LRRC69: variants seen among roughly 807,000 people sequenced by gnomAD.
LRRC69 encodes the protein leucine rich repeat containing 69, also known as leucine-rich repeat-containing protein 69.
Under a neutral mutation model 37.8 loss-of-function variants are expected in LRRC69, and 42 were observed. The observed-to-expected ratio is 1.11, with a 90% CI of 0.87 to 1.44. The LOEUF is 1.44. Among genes scored for constraint, LRRC69 ranks in the 40% most tolerant of loss-of-function variants. The probability of loss-of-function intolerance (pLI) is 0.00; values close to 1 mark genes in which losing one functional copy is unlikely to be tolerated. For synonymous variants in LRRC69, 141 were observed against 143.1 expected, an observed-to-expected ratio of 0.99 and a Z score of 0.11; for missense variants, 357 against 401.9, an observed-to-expected ratio of 0.89 and a Z score of 0.96.
intron 4 of LRRC69, 58 bp downstream of exon 4, chr8:91,133,363 G>A: frequency 7.7e-7 from 1 of 1,291,766 alleles, no homozygotes; most frequent in Non-Finnish European, 1.0e-6. Context: ...AACATGATGG[G>A]AGGTGGTTAT....
At chr8:91,121,945 CA>C in intron 1 of LRRC69, among the ~76,000 whole-genome samples, 1 of 152,182 alleles carries the variant, frequency 6.6e-6, no homozygotes, top group South Asian at 2.1e-4. Flanking sequence ...CCCTGCTTTA[CA>C]GTCAAGATTG....
chr8:91,183,526 CAT>C (rs1304633368), intron 5 of LRRC69, among the ~76,000 whole-genome samples: 1 of 151,826 alleles, frequency 6.6e-6, no homozygotes, highest in African/African-American at 2.4e-5. Flanking sequence ...GTGAGTTTGA[CAT>C]GTGAATATTT....
intron 7 of LRRC69, among the ~76,000 whole-genome samples, chr8:91,216,981 A>G (rs111730380): frequency 1.3e-5 from 2 of 152,066 alleles, no homozygotes; most frequent in East Asian, 3.9e-4. Flanking sequence ...ATTCTAGTCA[A>G]CCTTCAAAAC....
chr8:91,160,953 G>A (rs1401819966), intron 5 of LRRC69, among the ~76,000 whole-genome samples: 1 of 151,066 alleles, frequency 6.6e-6, no homozygotes, highest in Non-Finnish European at 1.5e-5. Context: ...CCTTTACTTT[G>A]TTTAGTCATA....
chr8:91,207,557 C>T (rs951021220), intron 7 of LRRC69, among the ~76,000 whole-genome samples: 1 of 152,054 alleles, frequency 6.6e-6, no homozygotes. Flanking sequence ...TTGTGTTTGG[C>T]GAATCCATAA....
At chr8:91,203,135 C>A (rs1268060946) in intron 7 of LRRC69, among the ~76,000 whole-genome samples, 4 of 151,974 alleles carry the variant, frequency 2.6e-5, no homozygotes, top group African/African-American at 9.7e-5. Flanking sequence ...GGAGCCTGAG[C>A]AACCTGGAAG....
chr8:91,118,199 G>C (rs1368678336), intron 1 of LRRC69: 1 of 455,376 alleles, frequency 2.2e-6, no homozygotes, highest in Non-Finnish European at 4.4e-6. Context: ...TGTTGGTCTA[G>C]GTGACTTGTA....
chr8:91,122,823 C>A (rs1325572288), intron 1 of LRRC69, among the ~76,000 whole-genome samples: 2 of 151,946 alleles, frequency 1.3e-5, no homozygotes, highest in Non-Finnish European at 2.9e-5. Context: ...AAATAATGGA[C>A]CCCCAAAGAT....
intron 5 of LRRC69, among the ~76,000 whole-genome samples, chr8:91,150,721 T>C (rs955997006): frequency 6.6e-6 from 1 of 151,948 alleles, no homozygotes; most frequent in Admixed American, 6.6e-5. Context: ...GTCCTGGATT[T>C]TTTTTGGTTG....
chr8:91,152,537 A>G (rs554905400), intron 5 of LRRC69, among the ~76,000 whole-genome samples: 15 of 151,678 alleles, frequency 9.9e-5, no homozygotes, highest in African/African-American at 3.6e-4. Flanking sequence ...GTAGCCTTGT[A>G]GTATAGTTTG....
chr8:91,149,500 G>A (rs1808688988), intron 5 of LRRC69, among the ~76,000 whole-genome samples: 1 of 151,960 alleles, frequency 6.6e-6, no homozygotes, highest in Non-Finnish European at 1.5e-5. Context: ...TTGTAGTATA[G>A]TTTGAAGTCA....
At chr8:91,194,647 A>G (rs893835239) in intron 6 of LRRC69, among the ~76,000 whole-genome samples, 5 of 152,040 alleles carry the variant, frequency 3.3e-5, no homozygotes, top group Non-Finnish European at 7.4e-5. Flanking sequence ...AGGTGTTTGT[A>G]GTATTCTCTG....
chr8:91,143,159 A>G (rs1377656267), intron 5 of LRRC69, among the ~76,000 whole-genome samples: 1 of 152,070 alleles, frequency 6.6e-6, no homozygotes, highest in African/African-American at 2.4e-5. Flanking sequence ...CTAAAATTGG[A>G]GAGATTTTTT....
intron 7 of LRRC69, among the ~76,000 whole-genome samples, chr8:91,212,113 T>A (rs1809938543): frequency 6.6e-6 from 1 of 152,142 alleles, no homozygotes; most frequent in African/African-American, 2.4e-5. Flanking sequence ...TGATCAATAA[T>A]TTCAATGTAG....
At chr8:91,164,040 T>C (rs1396376140) in intron 5 of LRRC69, among the ~76,000 whole-genome samples, 2 of 151,242 alleles carry the variant, frequency 1.3e-5, no homozygotes, top group Non-Finnish European at 3.0e-5. Flanking sequence ...TTGTCAGGAG[T>C]GAGAGTATGA....
intron 7 of LRRC69, among the ~76,000 whole-genome samples, chr8:91,204,756 A>G (rs868071581): frequency 1.3e-5 from 2 of 152,208 alleles, no homozygotes; most frequent in Non-Finnish European, 2.9e-5. Context: ...TAACTCCTGG[A>G]TGAGATCATC....
In LRRC69 at chr8:91,149,440, C is replaced by T. The variant is rs181271105; in HGVS notation, c.651+13701C>T. On this transcript the variant is annotated intron_variant, in intron 5 of 7. Transcript: ENST00000448384. The stretch of plus-strand genomic sequence containing the variant: ...GAGGGCTCTGTTCTGTTCCATTGGT[C>T]TATATCTCTGTTTTGGTACCAGTAC... Among the ~76,000 whole-genome samples the T allele has an allele frequency of 3.9e-5, 6 of 152,010 alleles. No individual in the cohort carries two copies. The East Asian group carries it at 9.7e-4, about 24-fold the overall frequency.
chr8:91,126,011 G>A (rs147681428), intron 2 of LRRC69, among the ~76,000 whole-genome samples: 354 of 151,920 alleles, frequency 2.3e-3, no homozygotes, highest in African/African-American at 8.2e-3. Context: ...TCATTTCTTC[G>A]AGTTGGGAAC....
intron 5 of LRRC69, among the ~76,000 whole-genome samples, chr8:91,165,571 G>C (rs967337354): frequency 2.0e-5 from 3 of 151,738 alleles, no homozygotes; most frequent in Non-Finnish European, 2.9e-5. Context: ...AGATTTCTCA[G>C]GTGGTTTGGT....
Sources: gnomAD v4.1 joint callset for allele counts (sites outside exome capture counted in the v4.1 genomes callset) on GRCh38, gnomAD v4.1.1 for gene constraint, MANE v1.5 for transcripts, NCBI Gene and HGNC (gene_info 2026-07-23, HGNC 2026-07-21) for gene names.